Variants in TMEM74 observed in about 807,000 individuals in gnomAD.
TMEM74 encodes transmembrane protein 74.
TMEM74 carries 13 observed loss-of-function variants against 18.1 expected under a neutral mutation model. The ratio of observed to expected loss-of-function variants is 0.72; its 90% CI spans 0.47 to 1.14. The LOEUF is 1.14. Among genes scored for constraint, TMEM74 ranks in the 50% most tolerant of loss-of-function variants. The pLI is 0.00. For missense variants in TMEM74, 372 were observed against 375.9 expected, an observed-to-expected ratio of 0.99 and a Z score of 0.09; for synonymous variants, 159 against 146.6, an observed-to-expected ratio of 1.08 and a Z score of -0.61.
chr8:108,785,641 T>C (rs957001892), intron 1 of TMEM74, among the ~76,000 whole-genome samples: 2 of 152,202 alleles, frequency 1.3e-5, no homozygotes, highest in Admixed American at 6.5e-5. Context: ...AGATTAGCTT[T>C]GGAGCATCAC....
intron 2 of TMEM74, among the ~76,000 whole-genome samples, chr8:108,625,907 C>T (rs1352252684): frequency 1.3e-5 from 2 of 151,910 alleles, no homozygotes; most frequent in Admixed American, 1.3e-4. Context: ...GTAAGGGGTA[C>T]ATAGTAGGTC....
In TMEM74 at chr8:108,781,966, T is replaced by C. The variant is rs114451892; in HGVS notation, c.*2215A>G. Among the ~76,000 whole-genome samples, 388 of 152,352 alleles carry C rather than the reference T, an allele frequency of 2.5e-3. 1 individual carries two copies. The highest frequency in any genetic ancestry group is 8.5e-3 in the African/African-American group (353 of 41,580). ...CATAAACTGAAAATTGATTCCACAT[T>C]AATTCAGTTTAGTCTGCCATTTGGC... On this transcript the variant is annotated 3_prime_UTR_variant, in exon 2 of 2. Transcript: ENST00000297459.
chr8:108,744,321 A>G (rs1335398755), intron 1 of TMEM74, among the ~76,000 whole-genome samples: 1 of 152,228 alleles, frequency 6.6e-6, no homozygotes, highest in Non-Finnish European at 1.5e-5. Flanking sequence ...GGTAACAACC[A>G]AAATGAGTAA....
chr8:108,695,322 AT>A (rs1395128510), intron 1 of TMEM74, among the ~76,000 whole-genome samples: 1 of 152,188 alleles, frequency 6.6e-6, no homozygotes, highest in Admixed American at 6.5e-5. Context: ...CACCAAGGAG[AT>A]TCGTAGAAGA....
At chr8:108,721,807 C>T (rs1244680460) in intron 1 of TMEM74, among the ~76,000 whole-genome samples, 1 of 152,172 alleles carries the variant, frequency 6.6e-6, no homozygotes, top group Non-Finnish European at 1.5e-5. Context: ...TCTGTTTCTC[C>T]TTGCCCCTTC....
intron 1 of TMEM74, among the ~76,000 whole-genome samples, chr8:108,687,240 A>C (rs1490265909): frequency 6.6e-6 from 1 of 152,146 alleles, no homozygotes; most frequent in East Asian, 1.9e-4. Context: ...AACCTATAAA[A>C]GCCAACAAAC....
chr8:108,680,553 C>A (rs1396044436), intron 1 of TMEM74, among the ~76,000 whole-genome samples: 3 of 152,170 alleles, frequency 2.0e-5, no homozygotes, highest in Non-Finnish European at 4.4e-5. Context: ...AACCCACAGC[C>A]AATATCATAC....
At chr8:108,723,354 G>A (rs1481428525) in intron 1 of TMEM74, among the ~76,000 whole-genome samples, 1 of 152,106 alleles carries the variant, frequency 6.6e-6, no homozygotes, top group Non-Finnish European at 1.5e-5. Flanking sequence ...GGCAAAATCA[G>A]AAAATTCAAA....
At chr8:108,740,178 C>T (rs1284779569) in intron 1 of TMEM74, among the ~76,000 whole-genome samples, 2 of 152,172 alleles carry the variant, frequency 1.3e-5, no homozygotes, top group Non-Finnish European at 1.5e-5. Flanking sequence ...TTATGTCAGA[C>T]ATGCAAGCCC....
chr8:108,715,914 T>A (rs138096698), intron 1 of TMEM74, among the ~76,000 whole-genome samples: 1 of 152,104 alleles, frequency 6.6e-6, no homozygotes, highest in African/African-American at 2.4e-5. Context: ...GAATTTGAAG[T>A]GAAAGATATT....
intron 1 of TMEM74, among the ~76,000 whole-genome samples, chr8:108,681,743 GT>G (rs757465478): frequency 6.6e-6 from 1 of 152,128 alleles, no homozygotes; most frequent in Non-Finnish European, 1.5e-5. Flanking sequence ...GGAAATAGTA[GT>G]AATGGCTACG....
intron 1 of TMEM74, among the ~76,000 whole-genome samples, chr8:108,682,763 A>G (rs1000951460): frequency 1.3e-5 from 2 of 152,034 alleles, no homozygotes; most frequent in African/African-American, 4.8e-5. Context: ...AAATACTCTT[A>G]TAGTGCTCTA....
At chr8:108,746,932 A>C (rs1303091388) in intron 1 of TMEM74, among the ~76,000 whole-genome samples, 3 of 152,070 alleles carry the variant, frequency 2.0e-5, no homozygotes, top group African/African-American at 7.2e-5. Flanking sequence ...CCTCTCTTCC[A>C]TCTGGTTGTT....
intron 2 of TMEM74, among the ~76,000 whole-genome samples, chr8:108,620,733 C>T (rs1269352163): frequency 6.6e-6 from 1 of 151,994 alleles, no homozygotes; most frequent in East Asian, 1.9e-4. Context: ...ATTATTAATC[C>T]TTTTTCAATT....
chr8:108,673,707 A>C (rs970988157), intron 1 of TMEM74, among the ~76,000 whole-genome samples: 6 of 152,202 alleles, frequency 3.9e-5, no homozygotes, highest in African/African-American at 1.4e-4. Context: ...AATGCCAGAG[A>C]AAAGTAGAGG....
chr8:108,640,156 G>T (rs570184578), intron 2 of TMEM74, among the ~76,000 whole-genome samples: 1 of 135,650 alleles, frequency 7.4e-6, no homozygotes, highest in East Asian at 2.1e-4. Context: ...GACGGAGTCC[G>T]GAGTCTTGCT....
rs144955052 is a variant in TMEM74 at position 108,754,611 on chromosome 8, C to A, written n.119+32865G>T. 2.6e-5 allele frequency among the ~76,000 whole-genome samples: 4 copies of A among 151,812 alleles called. No homozygotes were observed. In the East Asian group the frequency reaches 5.9e-4, roughly 22 times the overall value. ...GTTAGTGGCTGTATTACTCAGGGTT[C>A]TCCAAAGAAACAGAGCCAATAGGAT... On this transcript the variant is annotated intron_variant and non_coding_transcript_variant, in intron 1 of 3. Transcript: ENST00000518838.
chr8:108,646,428 A>C (rs1169399655), intron 2 of TMEM74, among the ~76,000 whole-genome samples: 1 of 152,188 alleles, frequency 6.6e-6, no homozygotes, highest in Non-Finnish European at 1.5e-5. Flanking sequence ...CCAAGATTAA[A>C]TGAATTGTGT....
At chr8:108,748,072 T>C (rs1426350699) in intron 1 of TMEM74, among the ~76,000 whole-genome samples, 2 of 152,168 alleles carry the variant, frequency 1.3e-5, no homozygotes, top group African/African-American at 2.4e-5. Flanking sequence ...CCTTTGGGTA[T>C]ATAACCAGTA....
Sources: gnomAD v4.1 joint callset for allele counts (sites outside exome capture counted in the v4.1 genomes callset) on GRCh38, gnomAD v4.1.1 for gene constraint, MANE v1.5 for transcripts, NCBI Gene and HGNC (gene_info 2026-07-23, HGNC 2026-07-21) for gene names.